The following ADAMTSL1 variants were observed in gnomAD, a reference collection of about 807,000 sequenced individuals.
ADAMTSL1 encodes the protein ADAMTS like 1.
In ADAMTSL1, 126 loss-of-function variants were observed where a neutral mutation model predicts 201.8. The ratio of observed to expected loss-of-function variants is 0.62; its 90% CI spans 0.54 to 0.72. The LOEUF (loss-of-function observed/expected upper bound fraction) is 0.72, where lower values mean the gene tolerates loss of function less well. Among genes scored for constraint, ADAMTSL1 ranks in the 30% least tolerant of loss-of-function variants. The pLI is 0.00. For synonymous variants in ADAMTSL1, 1,121 were observed against 903.4 expected, an observed-to-expected ratio of 1.24 and a Z score of -4.32; for missense variants, 2,679 against 2,277.8, an observed-to-expected ratio of 1.18 and a Z score of -3.59.
intron 2 of ADAMTSL1, among the ~76,000 whole-genome samples, chr9:18,165,466 C>A (rs1330510239): frequency 3.9e-5 from 6 of 151,918 alleles, no homozygotes; most frequent in African/African-American, 1.4e-4. Context: ...ATTATTACTA[C>A]CTAATATTAC....
At chr9:18,646,895 A>C (rs4977282) in intron 7 of ADAMTSL1, among the ~76,000 whole-genome samples, 1 of 151,726 alleles carries the variant, frequency 6.6e-6, no homozygotes, top group Non-Finnish European at 1.5e-5. Flanking sequence ...AGGATGATGC[A>C]GGCCTCATCA....
At chr9:18,336,537 C>T (rs928636002) in intron 2 of ADAMTSL1, among the ~76,000 whole-genome samples, 4 of 151,952 alleles carry the variant, frequency 2.6e-5, no homozygotes, top group African/African-American at 9.7e-5. Flanking sequence ...AAAAGTAGAA[C>T]CATGTGGTTT....
rs1224352888 is a variant in ADAMTSL1, at chr9:17,973,479, A to T, written c.87+66557A>T. Among the ~76,000 whole-genome samples, 33 of 131,114 alleles carry T rather than the reference A, an allele frequency of 2.5e-4. 1 individual carries two copies. The highest frequency in any genetic ancestry group is 8.4e-4 in the African/African-American group (33 of 39,286). 86.0% of individuals were successfully genotyped at this position (131,114 alleles called of 152,430 possible). On this transcript the variant is annotated intron_variant, in intron 1 of 29. Coordinates refer to the ADAMTSL1 transcript ENST00000680146. ...TGTCAAAGATCAGATGGTTGTAGAT[A>T]TGCAGCATTATTTCTGAGGGCTCTG... is the stretch of plus-strand genomic sequence containing the variant.
intron 23 of ADAMTSL1, among the ~76,000 whole-genome samples, chr9:18,844,130 G>C (rs575061278): frequency 6.6e-6 from 1 of 152,278 alleles, no homozygotes; most frequent in South Asian, 2.1e-4. Context: ...AGAGTTTCCA[G>C]TTTTTATGCT....
chr9:18,041,897 G>A (rs73643500), intron 1 of ADAMTSL1, among the ~76,000 whole-genome samples: 5,360 of 152,132 alleles, frequency 0.035, 117 homozygotes, highest in African/African-American at 0.056. Context: ...TTTTAGAAAT[G>A]TTGGAAACTT....
intron 14 of ADAMTSL1, among the ~76,000 whole-genome samples, chr9:18,717,592 T>G (rs894398623): frequency 9.2e-5 from 14 of 152,152 alleles, no homozygotes; most frequent in African/African-American, 3.4e-4. Flanking sequence ...TATGGTAAAA[T>G]AGTGGTGCTT....
Position 18,638,316 on chromosome 9 carries a change from G to A in ADAMTSL1, c.677-938G>A, listed in dbSNP as rs143811887. ...GAGTGCCTCCAGAGACCTTAAAATTGTTTTAACCCAGAGCCCCATCCAAGC... is the reference window on the plus strand; with the variant it reads ...GAGTGCCTCCAGAGACCTTAAAATTATTTTAACCCAGAGCCCCATCCAAGC... On this transcript the variant is annotated intron_variant, in intron 6 of 28. Coordinates refer to ENST00000380548, the MANE Select transcript of ADAMTSL1 (RefSeq NM_001040272.6). 3.4e-4 allele frequency among the ~76,000 whole-genome samples: 52 copies of A among 152,134 alleles called. 1 individual carries two copies. Among genetic ancestry groups the A allele is most frequent in the Middle Eastern group, 6.8e-3 (2 of 294 alleles).
chr9:18,452,385 G>A lies in ADAMTSL1; in HGVS notation c.208-52444G>A, dbSNP rs146931075. ...TCCAAAACATGAACTTGGAGAATAC[G>A]TTCAAACCATAGTATTCTGTCACTA... On this transcript the variant is annotated intron_variant, in intron 2 of 29. Transcript: ENST00000680146. 3.2e-4 allele frequency among the ~76,000 whole-genome samples: 48 copies of A among 152,264 alleles called. 1 individual carries two copies. The highest frequency in any genetic ancestry group is 1.0e-3 in the African/African-American group (42 of 41,566).
intron 2 of ADAMTSL1, among the ~76,000 whole-genome samples, chr9:18,459,405 G>C (rs1820727045): frequency 6.6e-6 from 1 of 152,074 alleles, no homozygotes; most frequent in African/African-American, 2.4e-5. Flanking sequence ...TAGACCTTTT[G>C]ATTTCAAGTC....
At chr9:17,968,705 G>A (rs1818078943) in intron 1 of ADAMTSL1, among the ~76,000 whole-genome samples, 1 of 152,116 alleles carries the variant, frequency 6.6e-6, no homozygotes. Context: ...GACAGGCTGT[G>A]TCATGCACTG....
intron 1 of ADAMTSL1, among the ~76,000 whole-genome samples, chr9:18,032,932 C>T (rs1821035144): frequency 6.6e-6 from 1 of 152,126 alleles, no homozygotes; most frequent in African/African-American, 2.4e-5. Flanking sequence ...TCAGTGTCTG[C>T]ATCACCTCTC....
intron 1 of ADAMTSL1, among the ~76,000 whole-genome samples, chr9:17,908,683 C>A (rs962309066): frequency 6.6e-6 from 1 of 152,210 alleles, no homozygotes; most frequent in Non-Finnish European, 1.5e-5. Flanking sequence ...GTCTCAAACT[C>A]CTGGTCTCAG....
At chr9:18,077,904 T>C (rs1331853676) in intron 1 of ADAMTSL1, among the ~76,000 whole-genome samples, 1 of 152,060 alleles carries the variant, frequency 6.6e-6, no homozygotes, top group Non-Finnish European at 1.5e-5. Context: ...ATGCAGCCCA[T>C]TTAGGAAGTT....
At chr9:18,184,797 A>G (rs182039295) in intron 2 of ADAMTSL1, among the ~76,000 whole-genome samples, 108 of 152,366 alleles carry the variant, frequency 7.1e-4, no homozygotes, top group African/African-American at 2.5e-3. Flanking sequence ...TCATCCGTAT[A>G]TCTAAAAATC....
At chr9:18,633,917 A>G (rs1468887881) in intron 5 of ADAMTSL1, among the ~76,000 whole-genome samples, 1 of 151,484 alleles carries the variant, frequency 6.6e-6, no homozygotes, top group Admixed American at 6.6e-5. Context: ...TAAAAAAAAA[A>G]TAGTTTTTCA....
intron 2 of ADAMTSL1, among the ~76,000 whole-genome samples, chr9:18,265,196 T>C (rs1358104384): frequency 2.0e-5 from 3 of 152,148 alleles, no homozygotes; most frequent in Admixed American, 6.6e-5. Context: ...CTCCTTCTGC[T>C]CTTTAAATAT....
At chr9:18,585,267 T>C (rs948685195) in intron 4 of ADAMTSL1, among the ~76,000 whole-genome samples, 1 of 152,218 alleles carries the variant, frequency 6.6e-6, no homozygotes, top group African/African-American at 2.4e-5. Context: ...AAAAACTTTT[T>C]GGAAAGTTCT....
intron 1 of ADAMTSL1, among the ~76,000 whole-genome samples, chr9:18,057,058 G>T (rs1822224108): frequency 6.6e-6 from 1 of 152,168 alleles, no homozygotes; most frequent in Non-Finnish European, 1.5e-5. Context: ...GAAACATCCA[G>T]CTAGGCTTTA....
At chr9:18,798,652 G>T (rs1822581012) in intron 20 of ADAMTSL1, among the ~76,000 whole-genome samples, 1 of 152,140 alleles carries the variant, frequency 6.6e-6, no homozygotes, top group South Asian at 2.1e-4. Context: ...TACTTGGGGT[G>T]CCTGGATTCA....
Sources: allele counts gnomAD v4.1 joint callset (sites outside exome capture counted in the v4.1 genomes callset), GRCh38; gene constraint gnomAD v4.1.1; transcripts MANE v1.5; gene names NCBI Gene and HGNC (gene_info 2026-07-23, HGNC 2026-07-21).